ATRN: variants seen among roughly 807,000 people sequenced by gnomAD.
The protein encoded by ATRN is attractin.
Under a neutral mutation model 178.7 loss-of-function variants are expected in ATRN, and 54 were observed. The ratio of observed to expected loss-of-function variants is 0.30; its 90% confidence interval spans 0.24 to 0.38. ATRN has a LOEUF of 0.38. ATRN is among the 10% of genes least tolerant of loss of function. The pLI is 1.00. For synonymous variants in ATRN, 636 were observed against 663.0 expected (o/e 0.96, Z 0.63); for missense variants, 1,443 against 1,815.1 (o/e 0.79, Z 3.73).
At position 3,471,036 on chromosome 20, in the gene ATRN, G is replaced by A. The variant is rs2084408661; in HGVS notation, c.-72G>A. ...CGTCCGCACAGCCCCGCCCCGCACG[G>A]CCAGGCGAAGCGGAGCCGGCCGTGC... On this transcript the variant is annotated 5_prime_UTR_variant, in exon 1 of 29. Coordinates refer to ENST00000262919, the MANE Select transcript of ATRN (RefSeq NM_139321.3). 4 of 1,418,656 alleles carry A rather than the reference G, an allele frequency of 2.8e-6. No homozygotes were observed. The East Asian group carries it at 9.2e-5, about 33-fold the overall frequency. 87.9% of individuals were successfully genotyped at this position (1,418,656 alleles called of 1,614,324 possible). A position where few individuals can be genotyped will look rare whatever the true frequency, so the allele number is the denominator to read the frequency against.
At chr20:3,549,091 C>A in intron 5 of ATRN, 79 bp from the exon 6 acceptor site, 2 of 1,151,056 alleles carry the variant, frequency 1.7e-6, no homozygotes, top group Non-Finnish European at 2.5e-6. Context: ...ATATTTGTTA[C>A]ATTTAGATAA....
At chr20:3,619,123 C>T (rs1294420149) in intron 24 of ATRN, among the ~76,000 whole-genome samples, 2 of 152,194 alleles carry the variant, frequency 1.3e-5, no homozygotes, top group African/African-American at 4.8e-5. Flanking sequence ...TGCGTTTTCT[C>T]GGAGCCTGAC....
intron 1 of ATRN, among the ~76,000 whole-genome samples, chr20:3,504,615 G>C (rs538375285): frequency 8.0e-5 from 12 of 150,706 alleles, no homozygotes; most frequent in African/African-American, 2.9e-4. Flanking sequence ...AAGCTGGGAG[G>C]GGGAGGTTGC....
chr20:3,528,617 G>T (rs2085407477), intron 1 of ATRN, among the ~76,000 whole-genome samples: 1 of 152,010 alleles, frequency 6.6e-6, no homozygotes. Flanking sequence ...AGTAAGGATT[G>T]AAAAACTGCC....
At chr20:3,489,109 C>T (rs573683783) in intron 1 of ATRN, among the ~76,000 whole-genome samples, 131 of 152,144 alleles carry the variant, frequency 8.6e-4, no homozygotes, top group African/African-American at 2.9e-3. Context: ...TACGGTTGTG[C>T]GCCACCATGC....
intron 12 of ATRN, among the ~76,000 whole-genome samples, chr20:3,574,687 T>C (rs762949474): frequency 1.3e-5 from 2 of 152,232 alleles, no homozygotes; most frequent in African/African-American, 2.4e-5. Context: ...AAATTAAATA[T>C]GCATGTTTAT....
At chr20:3,599,246 A>G (rs2086572988) in intron 22 of ATRN, among the ~76,000 whole-genome samples, 1 of 152,210 alleles carries the variant, frequency 6.6e-6, no homozygotes, top group Non-Finnish European at 1.5e-5. Context: ...TAACAAAAGT[A>G]CCATATATGA....
intron 1 of ATRN, among the ~76,000 whole-genome samples, chr20:3,474,989 G>A (rs971873360): frequency 7.1e-6 from 1 of 140,712 alleles, no homozygotes; most frequent in Non-Finnish European, 1.5e-5. Flanking sequence ...CCGAGATTGC[G>A]CCATTGCACT....
At position 3,476,783 on chromosome 20, in the gene ATRN, C is replaced by T. The variant is rs965075458; in HGVS notation, c.410+5266C>T. Among the ~76,000 whole-genome samples the T allele has an allele frequency of 4.6e-5, 7 of 152,322 alleles. No homozygotes were observed. The South Asian group carries it at 1.0e-3, about 23-fold the overall frequency. On this transcript the variant is annotated intron_variant, in intron 1 of 28. Transcript: ENST00000262919. Reference sequence around the variant, plus strand: ...GCTGAGGCAGGAGAATCGCTCAAATCCAGGAGGCAGAGGTTGCAGTGAGCC... The same window carrying T: ...GCTGAGGCAGGAGAATCGCTCAAATTCAGGAGGCAGAGGTTGCAGTGAGCC...
intron 6 of ATRN, among the ~76,000 whole-genome samples, chr20:3,555,043 C>T (rs1262185706): frequency 1.7e-5 from 2 of 120,584 alleles, no homozygotes; most frequent in African/African-American, 3.2e-5. Context: ...CGCTGTCGCC[C>T]AGGCTGGAGT....
chr20:3,559,575 T>C, intron 7 of ATRN, 92 bp downstream of exon 7: 1 of 1,078,292 alleles, frequency 9.3e-7, no homozygotes, highest in Non-Finnish European at 1.4e-6. Flanking sequence ...TCAGTGTTGG[T>C]TTTTAATTGG....
chr20:3,632,387 C>A lies in ATRN; in HGVS notation c.3864-1924C>A, dbSNP rs2086996013. On this transcript the variant is annotated intron_variant, in intron 25 of 28. Transcript: ENST00000262919. This position sits in a 1 kb window ranked among gnomAD's most constrained non-coding sequence, Gnocchi z 4.2. Reference sequence around the variant, plus strand: ...TGCTTGCAGTGCCCCACATGATCTGCCCTTCACCCTCACCCTTCTCTCTGC... The same window carrying A: ...TGCTTGCAGTGCCCCACATGATCTGACCTTCACCCTCACCCTTCTCTCTGC... 6.6e-6 allele frequency among the ~76,000 whole-genome samples: 1 copy of A among 152,118 alleles called. No homozygotes were observed. Among genetic ancestry groups the A allele is most frequent in the African/African-American group, 2.4e-5 (1 of 41,410 alleles).
intron 5 of ATRN, 142 bp from the exon 6 acceptor site, chr20:3,549,028 A>G (rs1487408157): frequency 7.0e-6 from 5 of 714,518 alleles, no homozygotes; most frequent in Non-Finnish European, 1.1e-5. Context: ...TTAAAATAAC[A>G]AATTAAAGGA....
intron 22 of ATRN, among the ~76,000 whole-genome samples, chr20:3,600,109 C>A (rs1028269667): frequency 6.6e-6 from 1 of 151,968 alleles, no homozygotes; most frequent in Non-Finnish European, 1.5e-5. Flanking sequence ...TTGTTTGACC[C>A]CAGTTAAGAG....
intron 1 of ATRN, chr20:3,490,970 A>G (rs2084784704): frequency 6.5e-7 from 1 of 1,538,148 alleles, no homozygotes; most frequent in Non-Finnish European, 9.0e-7. Flanking sequence ...CCTTCTCCTC[A>G]TGATAGCGCC....
intron 1 of ATRN, among the ~76,000 whole-genome samples, chr20:3,517,853 C>T (rs2085227313): frequency 6.6e-6 from 1 of 151,990 alleles, no homozygotes; most frequent in South Asian, 2.1e-4. Flanking sequence ...ATTTTTTGGG[C>T]CCTGGAGCCC....
chr20:3,559,431 G>C lies in ATRN; in HGVS notation c.1151G>C (p.Arg384Pro). ...TCTAGGGAGTGGCTTCCACTAAACCGTTCTGTGAACAATGTGGTTGTTAGA... is the reference window on the plus strand; with the variant it reads ...TCTAGGGAGTGGCTTCCACTAAACCCTTCTGTGAACAATGTGGTTGTTAGA... ...LASREWLPLN[R>P]SVNNVVVRYG... The change falls in exon 7 of 29, where the codon CGT becomes CCT. Residue 384 changes from arginine to proline, a missense_variant. Physicochemically the swap from Arg to Pro is moderately radical, Grantham distance 103. This residue lies in a region of ATRN where 862 missense variants were observed against 972.1 expected (regional missense o/e 0.89). Coordinates refer to ENST00000262919, the MANE Select transcript of ATRN (RefSeq NM_139321.3). 1 of 1,613,906 alleles carries C rather than the reference G, an allele frequency of 6.2e-7. No homozygotes were observed. Among genetic ancestry groups the C allele is most frequent in the Non-Finnish European group, 8.5e-7 (1 of 1,179,854 alleles).
intron 1 of ATRN, among the ~76,000 whole-genome samples, chr20:3,493,671 C>G (rs1382105844): frequency 6.6e-6 from 1 of 152,090 alleles, no homozygotes; most frequent in African/African-American, 2.4e-5. Context: ...GTTCTTGAAC[C>G]AAGCTAGGCA....
intron 2 of ATRN, among the ~76,000 whole-genome samples, chr20:3,538,095 T>C (rs960579504): frequency 6.7e-6 from 1 of 149,118 alleles, no homozygotes; most frequent in Non-Finnish European, 1.5e-5. Context: ...CTCCCAATGC[T>C]ATCCCTCCCC....
Sources: allele counts gnomAD v4.1 joint callset (sites outside exome capture counted in the v4.1 genomes callset), GRCh38; gene constraint gnomAD v4.1.1; regional missense constraint gnomAD v4.1.1; non-coding constraint Gnocchi (gnomAD v3.1); transcripts MANE v1.5; gene names NCBI Gene and HGNC (gene_info 2026-07-23, HGNC 2026-07-21).